The following CFHR4 variants were observed in gnomAD, a reference collection of about 807,000 sequenced individuals.
CFHR4 encodes the protein complement factor H-related protein 4.
In CFHR4, 64 loss-of-function variants were observed where a neutral mutation model predicts 69.3. The observed-to-expected ratio is 0.92, with a 90% CI of 0.76 to 1.14. CFHR4 has a LOEUF of 1.14. Ranked by LOEUF, CFHR4 falls within the 50% of genes most tolerant of loss-of-function variation. CFHR4 has a pLI of 0.00. For missense variants in CFHR4, 636 were observed against 684.9 expected (o/e 0.93, Z 0.80); for synonymous variants, 244 against 237.0 (o/e 1.03, Z -0.27).
intron 1 of CFHR4, among the ~76,000 whole-genome samples, chr1:196,899,358 A>C (rs1290005510): frequency 1.3e-5 from 2 of 151,606 alleles, no homozygotes; most frequent in Non-Finnish European, 2.9e-5. Context: ...GCAGCAGCGC[A>C]GTATACGTCG....
chr1:196,910,326 A>G lies in CFHR4; in HGVS notation c.845A>G (p.Tyr282Cys). The G allele has an allele frequency of 6.2e-7, 1 of 1,610,760 alleles. No homozygotes were observed. The highest frequency in any genetic ancestry group is 1.1e-5 in the South Asian group (1 of 90,788). Residue 282 changes from tyrosine (Y) to cysteine (C), a missense_variant, in exon 6 of 10, where the codon TAT becomes TGT. Tyr to Cys is a radical substitution (Grantham distance 194). This residue lies in a region of CFHR4 where 529 missense variants were observed against 533.2 expected (regional missense o/e 0.99). Transcript: ENST00000608469. ...EFPEIQHGHL[Y>C]YENTRRPYFP... is the part of the protein sequence containing the mutation. ...CCAGAAATTCAACATGGACATCTATATTATGAGAATACGCGTAGACCATAC... is the reference window on the plus strand; with the variant it reads ...CCAGAAATTCAACATGGACATCTATGTTATGAGAATACGCGTAGACCATAC...
intron 5 of CFHR4, among the ~76,000 whole-genome samples, chr1:196,908,304 A>G (rs1389903861): frequency 3.3e-5 from 5 of 151,520 alleles, no homozygotes; most frequent in Non-Finnish European, 2.9e-5. Context: ...CTTAAAGTAT[A>G]ATAAAAACCA....
chr1:196,916,292 C>A (rs1260280261), intron 9 of CFHR4, among the ~76,000 whole-genome samples: 1 of 151,654 alleles, frequency 6.6e-6, no homozygotes, highest in African/African-American at 2.4e-5. Flanking sequence ...AGGTAGAGCC[C>A]TGGGATACCC....
Position 196,907,353 on chromosome 1 carries a change from C to T in CFHR4, c.654C>T (p.Ser218=), listed in dbSNP as rs1427016698. Residue 218 remains serine, a synonymous_variant, in exon 5 of 10, where the codon AGC becomes AGT. Coordinates refer to ENST00000608469, the MANE Select transcript of CFHR4 (RefSeq NM_001201550.3). The part of the protein sequence containing the change: ...SENCGPPPPI[S]NGDTTSFPQK... ...ACTGTGGGCCTCCTCCACCTATTAG[C>T]AATGGAGATACCACGTCCTTCCCGC... The T allele has an allele frequency of 6.2e-7, 1 of 1,611,602 alleles. No homozygotes were observed. Among genetic ancestry groups the T allele is most frequent in the Non-Finnish European group, 8.5e-7 (1 of 1,178,954 alleles).
chr1:196,918,325 G>C lies in CFHR4; in HGVS notation c.1656G>C (p.Leu552Phe), dbSNP rs755392398. 2.5e-6 allele frequency: 4 copies of C among 1,611,496 alleles called. No individual in the cohort carries two copies. Among genetic ancestry groups the C allele is most frequent in the Admixed American group, 1.7e-5 (1 of 59,898 alleles). The change falls in exon 10 of 10, where the codon TTG becomes TTC. Residue 552 changes from leucine to phenylalanine, a missense_variant. Leu to Phe is a conservative substitution (Grantham distance 22, BLOSUM62 0). Transcript: ENST00000608469. ...ATACCATTGAATTTATGTGTAAATT[G>C]GGATATAATGCGAATACATCAGTTC... Reference protein sequence around the residue: ...TGDTIEFMCKLGYNANTSVLS... With the variant: ...TGDTIEFMCKFGYNANTSVLS...
chr1:196,897,600 G>C (rs6691372), intron 1 of CFHR4, among the ~76,000 whole-genome samples: 1 of 151,350 alleles, frequency 6.6e-6, no homozygotes, highest in South Asian at 2.1e-4. Context: ...TGGGAAGGTG[G>C]TCTTCCCCTG....
intron 1 of CFHR4, among the ~76,000 whole-genome samples, chr1:196,896,959 C>T (rs1458243030): frequency 1.3e-5 from 2 of 151,508 alleles, no homozygotes; most frequent in Non-Finnish European, 2.9e-5. Context: ...AGGTTTGTTA[C>T]ATATGTATAA....
chr1:196,889,660 G>A (rs984495918), intron 1 of CFHR4, among the ~76,000 whole-genome samples: 1 of 151,478 alleles, frequency 6.6e-6, no homozygotes, highest in African/African-American at 2.4e-5. Flanking sequence ...ATAACATCTT[G>A]GGTAGTGAGA....
intron 1 of CFHR4, among the ~76,000 whole-genome samples, chr1:196,899,750 A>G (rs1383197813): frequency 6.6e-6 from 1 of 151,704 alleles, no homozygotes; most frequent in Non-Finnish European, 1.5e-5. Flanking sequence ...AATGCCAGCT[A>G]TATCTGGTTT....
intron 5 of CFHR4, 64 bp downstream of exon 5, chr1:196,907,562 T>C (rs1156817544): frequency 1.5e-5 from 21 of 1,396,542 alleles, no homozygotes; most frequent in African/African-American, 4.4e-5. Context: ...TGTTTATTTA[T>C]ACTAAAATTT....
chr1:196,906,761 C>G (rs1484292843), intron 3 of CFHR4, 100 bp from the exon 4 acceptor site: 1 of 1,261,280 alleles, frequency 7.9e-7, no homozygotes, highest in East Asian at 2.5e-5. Flanking sequence ...TTTATTAGCA[C>G]ACACTGATTG....
chr1:196,918,451 C>A lies in CFHR4; in HGVS notation c.*45C>A. The A allele has an allele frequency of 1.3e-6, 2 of 1,527,622 alleles. No homozygotes were observed. Among genetic ancestry groups the A allele is most frequent in the Non-Finnish European group, 1.8e-6 (2 of 1,104,242 alleles). 94.6% of individuals were successfully genotyped at this position (1,527,622 alleles called of 1,614,324 possible). On this transcript the variant is annotated 3_prime_UTR_variant, in exon 10 of 10. Coordinates refer to ENST00000608469, the MANE Select transcript of CFHR4 (RefSeq NM_001201550.3). Reference sequence around the variant, plus strand: ...ATGTATGTCCAACTTCCACTTCTCACTCTTATGGTCTCAAAGCTTGCAAAG... The same window carrying A: ...ATGTATGTCCAACTTCCACTTCTCAATCTTATGGTCTCAAAGCTTGCAAAG...
At chr1:196,890,819 G>T (rs76233870) in intron 1 of CFHR4, among the ~76,000 whole-genome samples, 1 of 151,428 alleles carries the variant, frequency 6.6e-6, no homozygotes, top group African/African-American at 2.4e-5. Context: ...AAGGTTCCAG[G>T]CTTTCCTTGA....
intron 5 of CFHR4, 34 bp from the exon 6 acceptor site, chr1:196,910,247 C>A: frequency 1.1e-5 from 14 of 1,278,380 alleles, no homozygotes; most frequent in South Asian, 6.2e-5. Context: ...TACAGTGAAA[C>A]ATTATTTATA....
intron 6 of CFHR4, among the ~76,000 whole-genome samples, chr1:196,910,702 T>C (rs1373202749): frequency 6.6e-6 from 1 of 151,562 alleles, no homozygotes; most frequent in African/African-American, 2.4e-5. Context: ...AATTTAAACA[T>C]ATTTTATCAT....
At chr1:196,916,376 C>T (rs779304955) in intron 9 of CFHR4, among the ~76,000 whole-genome samples, 2 of 151,892 alleles carry the variant, frequency 1.3e-5, no homozygotes, top group Non-Finnish European at 2.9e-5. Context: ...TTTTCAAGTG[C>T]TCAAGTTCCT....
chr1:196,896,911 T>G (rs1023974556), intron 1 of CFHR4, among the ~76,000 whole-genome samples: 4 of 151,452 alleles, frequency 2.6e-5, no homozygotes, highest in Non-Finnish European at 2.9e-5. Flanking sequence ...ATTATTATTA[T>G]TATACTTTAA....
chr1:196,914,494 G>A lies in CFHR4; in HGVS notation c.1181-1G>A. ...CAATCCTCAATTTTATTTTGTTTCA[G>A]AATTTTGTGATATGCCTGTTTTTGA... On this transcript the variant is annotated splice_acceptor_variant, in intron 7 of 9. Coordinates refer to ENST00000608469, the MANE Select transcript of CFHR4 (RefSeq NM_001201550.3). LOFTEE classifies it high-confidence loss of function. 1 of 1,604,770 alleles carries A rather than the reference G, an allele frequency of 6.2e-7. No homozygotes were observed.
Position 196,902,479 on chromosome 1 carries a change from T to C in CFHR4, c.120T>C (p.Arg40=), listed in dbSNP as rs1303433144. ...GAGGTCTATATTATAAGAGTTTGCG[T>C]AGACTATACTTTCCAGCAGCTGCAG... The part of the protein sequence containing the change: ...QHGGLYYKSL[R]RLYFPAAAGQ... Residue 40 remains arginine, a synonymous_variant, in exon 2 of 10, where the codon CGT becomes CGC. Coordinates refer to ENST00000608469, the MANE Select transcript of CFHR4 (RefSeq NM_001201550.3). 6.8e-6 allele frequency: 11 copies of C among 1,612,078 alleles called. No homozygotes were observed. The highest frequency in any genetic ancestry group is 2.7e-5 in the African/African-American group (2 of 74,530).
Sources: allele counts gnomAD v4.1 joint callset (sites outside exome capture counted in the v4.1 genomes callset), GRCh38; gene constraint gnomAD v4.1.1; regional missense constraint gnomAD v4.1.1; transcripts MANE v1.5; gene names NCBI Gene and HGNC (gene_info 2026-07-23, HGNC 2026-07-21).